Variants in TCP11L1 observed in about 807,000 individuals in gnomAD.
TCP11L1 encodes the protein T-complex protein 11-like protein 1.
TCP11L1 carries 28 observed loss-of-function variants against 48.9 expected under a neutral mutation model. The ratio of observed to expected loss-of-function variants is 0.57; its 90% CI spans 0.42 to 0.78. The LOEUF (loss-of-function observed/expected upper bound fraction) is 0.78. Ranked by LOEUF, TCP11L1 falls within the 30% of genes least tolerant of loss-of-function variation. The pLI, the probability that TCP11L1 is intolerant of heterozygous loss-of-function variation, is 0.00. For synonymous variants in TCP11L1, 204 were observed against 231.9 expected (o/e 0.88, Z 1.09); for missense variants, 505 against 613.4 (o/e 0.82, Z 1.87).
intron 2 of TCP11L1, among the ~76,000 whole-genome samples, chr11:33,051,726 A>T (rs948047591): frequency 6.6e-6 from 1 of 152,070 alleles, no homozygotes; most frequent in African/African-American, 2.4e-5. Context: ...CCCAAAGTAC[A>T]TGAGCCACCG....
At position 33,054,489 on chromosome 11, in the gene TCP11L1, G is replaced by A. The variant is rs554112110; in HGVS notation, c.164-104G>A. On this transcript the variant is annotated intron_variant, in intron 2 of 9. Coordinates refer to ENST00000334274, the MANE Select transcript of TCP11L1 (RefSeq NM_018393.4). Reference sequence around the variant, plus strand: ...TGCCAGAACAAACATTTTAATAGACGCAATAACTGAAATTATTGTCTGGTA... The same window carrying A: ...TGCCAGAACAAACATTTTAATAGACACAATAACTGAAATTATTGTCTGGTA... 5.4e-5 allele frequency: 72 copies of A among 1,340,098 alleles called. 1 individual carries two copies. In the Admixed American group the frequency reaches 8.7e-4, roughly 16 times the overall value. 83.0% of individuals were successfully genotyped at this position (1,340,098 alleles called of 1,614,324 possible). A position where few individuals can be genotyped will look rare whatever the true frequency, so the allele number is the denominator to read the frequency against.
chr11:33,066,135 C>T, intron 8 of TCP11L1, 124 bp downstream of exon 8: 1 of 1,268,926 alleles, frequency 7.9e-7, no homozygotes, highest in Non-Finnish European at 1.1e-6. Context: ...TGAGAAGAAA[C>T]CTTGCTGTCT....
intron 7 of TCP11L1, among the ~76,000 whole-genome samples, chr11:33,064,017 G>A (rs1854539406): frequency 2.0e-5 from 3 of 152,018 alleles, no homozygotes; most frequent in Admixed American, 2.0e-4. Context: ...ATCTTCCCCA[G>A]GCCTTAGATA....
At chr11:33,055,586 A>G (rs1345978190) in intron 3 of TCP11L1, among the ~76,000 whole-genome samples, 4 of 152,176 alleles carry the variant, frequency 2.6e-5, no homozygotes, top group Non-Finnish European at 1.5e-5. Context: ...TGGGCTTATT[A>G]GATTAGTCAT....
At chr11:33,051,225 T>C (rs1461307649) in intron 2 of TCP11L1, among the ~76,000 whole-genome samples, 1 of 152,222 alleles carries the variant, frequency 6.6e-6, no homozygotes, top group Non-Finnish European at 1.5e-5. Flanking sequence ...TGGAGTGCAG[T>C]GGTGCAATCT....
intron 2 of TCP11L1, among the ~76,000 whole-genome samples, chr11:33,050,684 G>A (rs1257344516): frequency 6.6e-6 from 1 of 152,152 alleles, no homozygotes; most frequent in Admixed American, 6.5e-5. Flanking sequence ...TCTTAATAGA[G>A]TCTATCATGG....
chr11:33,061,926 C>A (rs1854479581), intron 7 of TCP11L1, among the ~76,000 whole-genome samples, 200 bp downstream of exon 7: 1 of 152,080 alleles, frequency 6.6e-6, no homozygotes, highest in East Asian at 1.9e-4. Flanking sequence ...ACTAAAAATA[C>A]AAAAAATTAG....
chr11:33,054,378 G>A (rs1305110064), intron 2 of TCP11L1, among the ~76,000 whole-genome samples: 4 of 152,142 alleles, frequency 2.6e-5, no homozygotes, highest in Non-Finnish European at 4.4e-5. Flanking sequence ...AAAACCAGAT[G>A]TTTTGAGTAT....
rs749796862 is a variant in TCP11L1, at chr11:33,068,701, A to G, written c.1169A>G (p.Lys390Arg). 8.1e-6 allele frequency: 13 copies of G among 1,613,942 alleles called. No individual in the cohort carries two copies. Among genetic ancestry groups the G allele is most frequent in the Non-Finnish European group, 1.1e-5 (13 of 1,179,898 alleles). The change falls in exon 9 of 10, where the codon AAG becomes AGG. Residue 390 changes from lysine (K) to arginine (R), a missense_variant. By Grantham distance (26) the Lys-to-Arg change is conservative (BLOSUM62 2). Coordinates refer to ENST00000334274, the MANE Select transcript of TCP11L1 (RefSeq NM_018393.4). ...TDMHLPSFHL[K>R]DVLTTIGEKV... is the part of the protein sequence containing the mutation. ...CTCTGCCCCAGCTCCTTCCATCTGA[A>G]GGACGTCCTCACTACCATCGGGGAG... is the stretch of plus-strand genomic sequence containing the variant.
Position 33,057,240 on chromosome 11 carries a change from G to A in TCP11L1, c.417+5G>A. 1 of 1,614,006 alleles carries A rather than the reference G, an allele frequency of 6.2e-7. No individual in the cohort carries two copies. The highest frequency in any genetic ancestry group is 8.5e-7 in the Non-Finnish European group (1 of 1,179,960). On this transcript the variant is annotated splice_donor_5th_base_variant and intron_variant, in intron 4 of 9. Coordinates refer to ENST00000334274, the MANE Select transcript of TCP11L1 (RefSeq NM_018393.4). ...CTTGTAGGAGAAATCAAAGAGGTGA[G>A]GCAAAGAGTGAATTGTGATGCTTTT...
At chr11:33,058,899 T>C in intron 5 of TCP11L1, 60 bp from the exon 6 acceptor site, 1 of 1,586,374 alleles carries the variant, frequency 6.3e-7, no homozygotes, top group South Asian at 1.1e-5. Context: ...CTGGTCCTCT[T>C]TTCCTTTAAT....
chr11:33,062,392 C>G (rs892002121), intron 7 of TCP11L1, among the ~76,000 whole-genome samples: 3 of 150,996 alleles, frequency 2.0e-5, no homozygotes, highest in African/African-American at 7.3e-5. Context: ...AAATCATACA[C>G]TACCAGCCTT....
In TCP11L1 at chr11:33,054,488, C is replaced by G. The variant is rs540718522; in HGVS notation, c.164-105C>G. ...ATGCCAGAACAAACATTTTAATAGA[C>G]GCAATAACTGAAATTATTGTCTGGT... On this transcript the variant is annotated intron_variant, in intron 2 of 9. Coordinates refer to ENST00000334274, the MANE Select transcript of TCP11L1 (RefSeq NM_018393.4). The G allele has an allele frequency of 5.2e-6, 7 of 1,339,226 alleles. No individual in the cohort carries two copies. In the South Asian group the frequency reaches 9.3e-5, roughly 18 times the overall value. 83.0% of individuals were successfully genotyped at this position (1,339,226 alleles called of 1,614,324 possible). A position where few individuals can be genotyped will look rare whatever the true frequency, so the allele number is the denominator to read the frequency against.
chr11:33,054,455 G>A (rs187211432), intron 2 of TCP11L1, 138 bp from the exon 3 acceptor site: 15 of 1,005,838 alleles, frequency 1.5e-5, no homozygotes, highest in Non-Finnish European at 2.2e-5. Context: ...TTCTGTTGCT[G>A]TTTGAAAATG....
chr11:33,040,049 C>T (rs1470935675), intron 1 of TCP11L1: 1 of 152,258 alleles, frequency 6.6e-6, no homozygotes, highest in African/African-American at 2.4e-5. Context: ...AATCCGGACG[C>T]CGGGCGCGAG....
intron 6 of TCP11L1, among the ~76,000 whole-genome samples, chr11:33,059,657 G>A (rs1854414962): frequency 6.6e-6 from 1 of 152,160 alleles, no homozygotes; most frequent in South Asian, 2.1e-4. Context: ...GACATTCTGG[G>A]TAAATTTCAG....
intron 7 of TCP11L1, among the ~76,000 whole-genome samples, chr11:33,063,829 T>C (rs1854534176): frequency 6.6e-6 from 1 of 152,244 alleles, no homozygotes; most frequent in African/African-American, 2.4e-5. Context: ...CTCTTGCCTC[T>C]GAGTTCCCCG....
At chr11:33,055,421 A>G (rs1854282933) in intron 3 of TCP11L1, among the ~76,000 whole-genome samples, 1 of 152,196 alleles carries the variant, frequency 6.6e-6, no homozygotes, top group South Asian at 2.1e-4. Flanking sequence ...TGGGAGGACT[A>G]GGGCTCTCCT....
chr11:33,066,493 G>A (rs998747951), intron 8 of TCP11L1, among the ~76,000 whole-genome samples: 5 of 152,218 alleles, frequency 3.3e-5, no homozygotes, highest in African/African-American at 9.6e-5. Context: ...GGTGGGGAGC[G>A]CTGGTACCAA....
Sources: gnomAD v4.1 joint callset for allele counts (sites outside exome capture counted in the v4.1 genomes callset) on GRCh38, gnomAD v4.1.1 for gene constraint, MANE v1.5 for transcripts, NCBI Gene and HGNC (gene_info 2026-07-23, HGNC 2026-07-21) for gene names.